The following RPGRIP1L variants were observed in gnomAD, a reference collection of about 807,000 sequenced individuals.
RPGRIP1L encodes the protein RPGRIP1 like.
A neutral mutation model predicts 160.4 loss-of-function variants in RPGRIP1L; 131 were observed. That is an observed-to-expected ratio of 0.82 (90% CI 0.71 to 0.94). The LOEUF (loss-of-function observed/expected upper bound fraction) is 0.94. RPGRIP1L is among the 40% of genes least tolerant of loss of function. The pLI, the probability that RPGRIP1L is intolerant of heterozygous loss-of-function variation, is 0.00. For synonymous variants in RPGRIP1L, 510 were observed against 515.8 expected, an observed-to-expected ratio of 0.99 and a Z score of 0.15; for missense variants, 1,522 against 1,535.8, an observed-to-expected ratio of 0.99 and a Z score of 0.15.
intron 15 of RPGRIP1L, among the ~76,000 whole-genome samples, chr16:53,650,963 C>G (rs1966848043): frequency 6.6e-6 from 1 of 152,128 alleles, no homozygotes; most frequent in Admixed American, 6.5e-5. Flanking sequence ...TTTATCTATG[C>G]TCATGGCTTA....
At chr16:53,687,484 C>CT (rs997346879) in intron 5 of RPGRIP1L, among the ~76,000 whole-genome samples, 1 of 152,034 alleles carries the variant, frequency 6.6e-6, no homozygotes, top group Non-Finnish European at 1.5e-5. Flanking sequence ...CTCCCCAATT[C>CT]TTTATTTATT....
intron 2 of RPGRIP1L, among the ~76,000 whole-genome samples, chr16:53,698,541 T>TG (rs1457664585): frequency 8.6e-5 from 8 of 92,990 alleles, no homozygotes; most frequent in African/African-American, 3.7e-4. Flanking sequence ...GGGAGGGAGG[T>TG]GGAGGGGTCA....
intron 16 of RPGRIP1L, among the ~76,000 whole-genome samples, chr16:53,648,624 GCGCACACA>G (rs999274795): frequency 1.4e-4 from 15 of 106,722 alleles, no homozygotes; most frequent in African/African-American, 3.4e-4. Flanking sequence ...GCGCGCGCGC[GCGCACACA>G]CACACACACA....
intron 20 of RPGRIP1L, 64 bp from the exon 21 acceptor site, chr16:53,637,918 G>T: frequency 6.8e-7 from 1 of 1,478,862 alleles, no homozygotes. Context: ...TAGCATTATT[G>T]CTGGAACAGT....
chr16:53,626,145 T>TAAAAAAA (rs760491478), intron 22 of RPGRIP1L, among the ~76,000 whole-genome samples: 1,203 of 59,558 alleles, frequency 0.02, no homozygotes, highest in African/African-American at 0.023. Flanking sequence ...CAATAAATAC[T>TAAAAAAA]AAAAAAAAAA....
At chr16:53,656,880 G>C (rs1967300874) in intron 13 of RPGRIP1L, among the ~76,000 whole-genome samples, 1 of 152,176 alleles carries the variant, frequency 6.6e-6, no homozygotes, top group African/African-American at 2.4e-5. Flanking sequence ...CTCACTCGCA[G>C]AATGTGCTAA....
chr16:53,645,270 T>C (rs1404263063), intron 17 of RPGRIP1L, among the ~76,000 whole-genome samples: 1 of 152,076 alleles, frequency 6.6e-6, no homozygotes, highest in Non-Finnish European at 1.5e-5. Context: ...GTACTGTTGG[T>C]ATATAATACA....
At chr16:53,610,834 T>C in intron 25 of RPGRIP1L, 133 bp downstream of exon 25, 3 of 738,582 alleles carry the variant, frequency 4.1e-6, no homozygotes, top group Non-Finnish European at 7.3e-6. Flanking sequence ...CCCGTACTCA[T>C]TCGAGGGTAC....
At chr16:53,656,321 C>T in intron 14 of RPGRIP1L, 151 bp downstream of exon 14, 1 of 743,626 alleles carries the variant, frequency 1.3e-6, no homozygotes, top group Non-Finnish European at 2.5e-6. Flanking sequence ...TGCTGGAACC[C>T]AGGAGGTCAA....
At chr16:53,639,709 G>A (rs1177507214) in intron 19 of RPGRIP1L, among the ~76,000 whole-genome samples, 1 of 152,036 alleles carries the variant, frequency 6.6e-6, no homozygotes, top group Non-Finnish European at 1.5e-5. Flanking sequence ...ATCTTTAAAC[G>A]GGAATAATTC....
At chr16:53,698,295 G>T (rs1161189841) in intron 2 of RPGRIP1L, among the ~76,000 whole-genome samples, 5 of 148,886 alleles carry the variant, frequency 3.4e-5, no homozygotes, top group Non-Finnish European at 7.4e-5. Flanking sequence ...CGCCAGGCCA[G>T]CCGCCCCGTC....
At position 53,648,973 on chromosome 16, in the gene RPGRIP1L, A is replaced by G. The variant is rs745716664; in HGVS notation, c.2295T>C (p.His765=). 2 of 1,613,970 alleles carry G rather than the reference A, an allele frequency of 1.2e-6. No homozygotes were observed. Among genetic ancestry groups the G allele is most frequent in the Non-Finnish European group, 1.7e-6 (2 of 1,179,856 alleles). Residue 765 remains histidine, a synonymous_variant, in exon 16 of 27, where the codon CAT becomes CAC. Transcript: ENST00000647211. ...AGCCAAATGAGCTTACCGACTGCAT[A>G]TGCTCTGGCCCCTTAAAATTTGATG... is the stretch of plus-strand genomic sequence containing the variant. ...YITSNFKGPE[H]MQSLSQQAPK... is the part of the protein sequence containing the mutation.
In RPGRIP1L at chr16:53,633,913, CA is replaced by C. The variant is rs550472185; in HGVS notation, c.3294+2525del. Among the ~76,000 whole-genome samples the C allele has an allele frequency of 2.7e-4, 41 of 152,304 alleles. 1 individual carries two copies. The South Asian group carries it at 4.1e-3, about 15-fold the overall frequency. ...AAATGATTTGCTAAAGTAGTACACA[CA>C]AAAACTGGTAAAATCAATAGAAAAT... On this transcript the variant is annotated intron_variant, in intron 22 of 26. Transcript: ENST00000647211.
intron 6 of RPGRIP1L, among the ~76,000 whole-genome samples, chr16:53,683,645 T>C (rs1280733141): frequency 6.6e-6 from 1 of 150,602 alleles, no homozygotes; most frequent in Non-Finnish European, 1.5e-5. Flanking sequence ...GTGATGTGTA[T>C]GTGGGGGTTC....
At chr16:53,658,273 A>C (rs575349573) in intron 12 of RPGRIP1L, 141 bp downstream of exon 12, 3 of 730,184 alleles carry the variant, frequency 4.1e-6, no homozygotes, top group Middle Eastern at 5.1e-4. Flanking sequence ...TGTTACATAC[A>C]TATTTGTAAA....
chr16:53,605,596 G>A lies in RPGRIP1L; in HGVS notation c.3720C>T (p.Val1240=). The A allele has an allele frequency of 6.2e-7, 1 of 1,614,088 alleles. No homozygotes were observed. The highest frequency in any genetic ancestry group is 1.7e-5 in the Admixed American group (1 of 60,014). The change falls in exon 26 of 27, where the codon GTC becomes GTT. Residue 1240 remains valine, a synonymous_variant. Coordinates refer to ENST00000647211, the MANE Select transcript of RPGRIP1L (RefSeq NM_015272.5). ...CCTGCTCGTCCTCTGGAGGGTCACT[G>A]ACCACGGTGAAGCGAAGGCTGGTAA... The part of the protein sequence containing the change: ...MPNRSLRFTV[V]SDPPEDEQDL...
chr16:53,658,456 A>G lies in RPGRIP1L; in HGVS notation c.1359T>C (p.Asp453=). 1 of 1,608,860 alleles carries G rather than the reference A, an allele frequency of 6.2e-7. No individual in the cohort carries two copies. The highest frequency in any genetic ancestry group is 2.2e-5 in the East Asian group (1 of 44,720). ...KRIKLYNQEN[D]INADELSEAL... ...CTTCACTCAATTCATCAGCATTAAT[A>G]TCATTCTCCTGCAATAGATTAAGTA... The change falls in exon 12 of 27, where the codon GAT becomes GAC. Residue 453 remains aspartate, a synonymous_variant. Coordinates refer to ENST00000647211, the MANE Select transcript of RPGRIP1L (RefSeq NM_015272.5).
At position 53,664,966 on chromosome 16, in the gene RPGRIP1L, G is replaced by C; in HGVS notation, c.1147C>G (p.Gln383Glu). The C allele has an allele frequency of 6.2e-7, 1 of 1,613,596 alleles. No individual in the cohort carries two copies. Residue 383 changes from glutamine (Q) to glutamate (E), a missense_variant, in exon 10 of 27, where the codon CAA becomes GAA. Coordinates refer to ENST00000647211, the MANE Select transcript of RPGRIP1L (RefSeq NM_015272.5). ...TGAGCAATCTGCACTTTCAGCTGTT[G>C]CTCCTTTAACTTCCATTGCTCTTCA... ...AHEEQWKLKEQQLKVQIAQLE... is the reference protein window; with the variant it reads ...AHEEQWKLKEEQLKVQIAQLE...
At chr16:53,652,077 CA>C (rs1323039243) in intron 15 of RPGRIP1L, among the ~76,000 whole-genome samples, 1 of 150,254 alleles carries the variant, frequency 6.7e-6, no homozygotes, top group Non-Finnish European at 1.5e-5. Flanking sequence ...TCATCAATGA[CA>C]TTTTTTTTTT....
Sources: allele counts gnomAD v4.1 joint callset (sites outside exome capture counted in the v4.1 genomes callset), GRCh38; gene constraint gnomAD v4.1.1; transcripts MANE v1.5; gene names NCBI Gene and HGNC (gene_info 2026-07-23, HGNC 2026-07-21).